Variants in KMT2A observed in about 807,000 individuals in gnomAD.
The protein encoded by KMT2A is lysine methyltransferase 2A, also known as histone-lysine N-methyltransferase 2A.
In KMT2A, 16 loss-of-function variants were observed where a neutral mutation model predicts 345.3. The ratio of observed to expected loss-of-function variants is 0.05; its 90% confidence interval spans 0.03 to 0.07. The LOEUF is 0.07. KMT2A is among the 10% of genes least tolerant of loss of function. The probability of loss-of-function intolerance (pLI) is 1.00; values close to 1 mark genes in which losing one functional copy is unlikely to be tolerated. For synonymous variants in KMT2A, 1,599 were observed against 1,778.6 expected, an observed-to-expected ratio of 0.90 and a Z score of 2.54; for missense variants, 3,272 against 4,841.6, an observed-to-expected ratio of 0.68 and a Z score of 9.62.
rs782377744 is a variant in KMT2A at position 118,504,119 on chromosome 11, A to T, written c.8227A>T (p.Ile2743Phe). The change falls in exon 27 of 36, where the codon ATT becomes TTT. Residue 2743 changes from isoleucine (I) to phenylalanine (F), a missense_variant. Around this residue, in one of 27 missense-constraint regions of KMT2A, gnomAD observed 100 missense variants for 101.3 expected, o/e 0.99. Coordinates refer to ENST00000534358, the MANE Select transcript of KMT2A (RefSeq NM_001197104.2). This position sits in a 1 kb window ranked among gnomAD's most constrained non-coding sequence, Gnocchi z 6.4. ...AGCCACAACAAGGAAAAGCAGCCAG[A>T]TTCCAAAAAGAAATGGTAAAGAAAA... ...VTATTRKSSQ[I>F]PKRNGKENGT... 2 of 1,614,226 alleles carry T rather than the reference A, an allele frequency of 1.2e-6. No individual in the cohort carries two copies. The highest frequency in any genetic ancestry group is 1.7e-6 in the Non-Finnish European group (2 of 1,180,028).
At chr11:118,499,761 C>T in intron 23 of KMT2A, 74 bp from the exon 24 acceptor site, 1 of 1,138,668 alleles carries the variant, frequency 8.8e-7, no homozygotes, top group Admixed American at 1.7e-5. Flanking sequence ...GCCTGGGCGA[C>T]AGAGTGAGAC....
At chr11:118,512,758 G>A (rs1269015447) in intron 31 of KMT2A, among the ~76,000 whole-genome samples, 3 of 150,180 alleles carry the variant, frequency 2.0e-5, no homozygotes, top group Non-Finnish European at 1.5e-5. Context: ...TGCAATGCAC[G>A]AGTGTTCCCA....
chr11:118,436,492 G>T lies in KMT2A; in HGVS notation c.-21G>T. ...TGTGTTGTCGCCTCTCCCTCTCGCTGCTTCACTTCACGGGGCGAACATGGC... is the reference window on the plus strand; with the variant it reads ...TGTGTTGTCGCCTCTCCCTCTCGCTTCTTCACTTCACGGGGCGAACATGGC... On this transcript the variant is annotated 5_prime_UTR_variant, in exon 1 of 36. Coordinates refer to ENST00000534358, the MANE Select transcript of KMT2A (RefSeq NM_001197104.2). This position sits in a 1 kb window ranked among gnomAD's most constrained non-coding sequence, Gnocchi z 6.9. The T allele has an allele frequency of 8.0e-7, 1 of 1,252,254 alleles. No homozygotes were observed. The highest frequency in any genetic ancestry group is 1.0e-6 in the Non-Finnish European group (1 of 986,516). The allele number at this position is 1,252,254 out of a possible 1,614,324, so 77.6% of individuals were successfully genotyped here.
rs1313455282 is a variant in KMT2A, at chr11:118,436,950, G to A, written c.432+6G>A. The A allele has an allele frequency of 3.4e-6, 5 of 1,487,940 alleles. No individual in the cohort carries two copies. Among genetic ancestry groups the A allele is most frequent in the Non-Finnish European group, 4.5e-6 (5 of 1,112,554 alleles). The allele number at this position is 1,487,940 out of a possible 1,614,324, so 92.2% of individuals were successfully genotyped here. On this transcript the variant is annotated splice_donor_region_variant and intron_variant, in intron 1 of 35. Coordinates refer to ENST00000534358, the MANE Select transcript of KMT2A (RefSeq NM_001197104.2). This position sits in a 1 kb window ranked among gnomAD's most constrained non-coding sequence, Gnocchi z 6.9. ...GGGGAGGCGGCAGCGGAGAGGTAAG[G>A]GGGCGAGGAACCCCCAGGTCCGGGG...
rs10219358 is a variant in KMT2A at position 118,496,861 on chromosome 11, G to A, written c.5664+494G>A. 1.3e-3 allele frequency among the ~76,000 whole-genome samples: 192 copies of A among 152,238 alleles called. No individual in the cohort carries two copies. Among genetic ancestry groups the A allele is most frequent in the African/African-American group, 4.3e-3 (177 of 41,526 alleles). ...TCATCTTTAAAATGAAGATAATAAC[G>A]CTTACCTCAGAGTGGCTGTGAGGAT... is the stretch of plus-strand genomic sequence containing the variant. On this transcript the variant is annotated intron_variant, in intron 20 of 35. Coordinates refer to ENST00000534358, the MANE Select transcript of KMT2A (RefSeq NM_001197104.2). This position sits in a 1 kb window ranked among gnomAD's most constrained non-coding sequence, Gnocchi z 4.7.
At chr11:118,477,010 C>T (rs782003068) in intron 4 of KMT2A, 28 bp downstream of exon 4, 9 of 1,608,832 alleles carry the variant, frequency 5.6e-6, no homozygotes, top group East Asian at 2.2e-5. Flanking sequence ...ATCTTGGAGT[C>T]GGAACAGACT....
intron 10 of KMT2A, among the ~76,000 whole-genome samples, chr11:118,487,118 A>G (rs557856601): frequency 8.5e-5 from 13 of 152,318 alleles, no homozygotes; most frequent in South Asian, 2.1e-4. Flanking sequence ...AAGTTCAGAT[A>G]TCATTGAGAC....
At chr11:118,470,014 G>A (rs1023485265) in intron 2 of KMT2A, among the ~76,000 whole-genome samples, 16 of 152,090 alleles carry the variant, frequency 1.1e-4, no homozygotes, top group African/African-American at 2.9e-4. Context: ...TGGGATTTTT[G>A]TTTGTTTGTT....
Position 118,525,662 on chromosome 11 carries a change from T to C in KMT2A, c.*3490T>C, listed in dbSNP as rs1565322831. 1 of 228,202 alleles carries C rather than the reference T, an allele frequency of 4.4e-6. No homozygotes were observed. The highest frequency in any genetic ancestry group is 8.7e-6 in the Non-Finnish European group (1 of 115,580). 14.1% of individuals were successfully genotyped at this position (228,202 alleles called of 1,614,324 possible). A position where few individuals can be genotyped will look rare whatever the true frequency, so the allele number is the denominator to read the frequency against. On this transcript the variant is annotated 3_prime_UTR_variant, in exon 36 of 36. Coordinates refer to ENST00000534358, the MANE Select transcript of KMT2A (RefSeq NM_001197104.2). ...CACACACACAAAAATAAAAAAAATA[T>C]TCTAATGAATGTATCTTTCTAAAGG...
Position 118,473,843 on chromosome 11 carries a change from A to G in KMT2A, c.2684A>G (p.Lys895Arg), listed in dbSNP as rs200600434. ...KRESRKEKRK[K>R]GSEIQSSSAL... is the part of the protein sequence containing the mutation. ...GAGTCAAGGAAAGAGAAAAGGAAAA[A>G]GGGATCAGAAATTCAGAGTAGTTCT... is the stretch of plus-strand genomic sequence containing the variant. Residue 895 changes from lysine (K) to arginine (R), a missense_variant, in exon 3 of 36, where the codon AAG becomes AGG. By Grantham distance (26) the Lys-to-Arg change is conservative. Transcript: ENST00000534358. This position sits in a 1 kb window ranked among gnomAD's most constrained non-coding sequence, Gnocchi z 5.2. 67 of 1,614,060 alleles carry G rather than the reference A, an allele frequency of 4.2e-5. No homozygotes were observed. The highest frequency in any genetic ancestry group is 1.6e-4 in the Middle Eastern group (1 of 6,084).
At chr11:118,511,786 T>C (rs1187960704) in intron 30 of KMT2A, 165 bp from the exon 31 acceptor site, 1 of 667,620 alleles carries the variant, frequency 1.5e-6, no homozygotes, top group African/African-American at 1.8e-5. Context: ...TCCTTTCACA[T>C]GTAATGAACT....
chr11:118,436,676 C>G lies in KMT2A; in HGVS notation c.164C>G (p.Pro55Arg). ...PVGGGGPGAP[P>R]SPPAVAAAAA... ...GGCGGTGGCGGCCCCGGGGCGCCCC[C>G]CTCCCCCCCGGCTGTGGCGGCCGCG... Residue 55 changes from proline to arginine, a missense_variant, in exon 1 of 36, where the codon CCC (proline) becomes CGC (arginine). By Grantham distance (103) the Pro-to-Arg change is moderately radical. Coordinates refer to ENST00000534358, the MANE Select transcript of KMT2A (RefSeq NM_001197104.2). The surrounding 1 kb of genome is among the most constrained non-coding windows in gnomAD (Gnocchi z 6.9). 1 of 1,242,932 alleles carries G rather than the reference C, an allele frequency of 8.0e-7. No individual in the cohort carries two copies. Among genetic ancestry groups the G allele is most frequent in the Non-Finnish European group, 1.0e-6 (1 of 991,982 alleles). 77.0% of individuals were successfully genotyped at this position (1,242,932 alleles called of 1,614,324 possible).
Position 118,477,002 on chromosome 11 carries a change from CTT to C in KMT2A, c.3334+21_3334+22del. 2 of 1,612,648 alleles carry C rather than the reference CTT, an allele frequency of 1.2e-6. No homozygotes were observed. The highest frequency in any genetic ancestry group is 8.5e-7 in the Non-Finnish European group (1 of 1,178,968). On this transcript the variant is annotated intron_variant, in intron 4 of 35. Coordinates refer to ENST00000534358, the MANE Select transcript of KMT2A (RefSeq NM_001197104.2). ...ATGATGGTAGGTCAAGAAGGTCAAT[CTT>C]GGAGTCGGAACAGACTTTTGATTTG...
Position 118,521,160 on chromosome 11 carries a change from A to G in KMT2A, c.11514-128A>G. The G allele has an allele frequency of 1.8e-6, 2 of 1,109,488 alleles. No individual in the cohort carries two copies. Among genetic ancestry groups the G allele is most frequent in the South Asian group, 1.6e-5 (1 of 64,238 alleles). The allele number at this position is 1,109,488 out of a possible 1,614,324, so 68.7% of individuals were successfully genotyped here. The stretch of plus-strand genomic sequence containing the variant: ...TAGATGGCCAAATCAAGTGGGTCCA[A>G]ATTTTTATTTTCTCAAGTATATGTC... On this transcript the variant is annotated intron_variant, in intron 34 of 35. Transcript: ENST00000534358. This position sits in a 1 kb window ranked among gnomAD's most constrained non-coding sequence, Gnocchi z 5.3.
intron 1 of KMT2A, among the ~76,000 whole-genome samples, chr11:118,442,539 A>G (rs782074740): frequency 3.0e-4 from 45 of 152,238 alleles, no homozygotes; most frequent in Non-Finnish European, 4.1e-4. Context: ...ATTTTTGTGG[A>G]CTCTGAGGTT....
At chr11:118,506,793 T>C (rs782164581) in intron 27 of KMT2A, 147 bp downstream of exon 27, 1 of 775,990 alleles carries the variant, frequency 1.3e-6, no homozygotes, top group South Asian at 2.0e-5. Flanking sequence ...TTTTTCTCTC[T>C]GAGTGGTGAT....
intron 1 of KMT2A, among the ~76,000 whole-genome samples, chr11:118,451,926 T>G (rs1365172266): frequency 3.9e-5 from 6 of 152,222 alleles, no homozygotes; most frequent in Non-Finnish European, 7.3e-5. Context: ...AACAGAATTG[T>G]CCTTGGGAGC....
At position 118,510,551 on chromosome 11, in the gene KMT2A, T is replaced by C. The variant is rs1950666173; in HGVS notation, c.11071+433T>C. On this transcript the variant is annotated intron_variant, in intron 30 of 35. Transcript: ENST00000534358. This position sits in a 1 kb window ranked among gnomAD's most constrained non-coding sequence, Gnocchi z 4.1. ...CCAGCTCAGACGGTCTTCCCTGACC[T>C]TCTGAGGTAGCTAAGCCCTCCCTCT... Among the ~76,000 whole-genome samples the C allele has an allele frequency of 6.6e-6, 1 of 152,150 alleles. No homozygotes were observed. Among genetic ancestry groups the C allele is most frequent in the South Asian group, 2.1e-4 (1 of 4,828 alleles).
rs1950442454 is a variant in KMT2A at position 118,498,289 on chromosome 11, G to C, written c.5803-81G>C. 7.6e-7 allele frequency: 1 copy of C among 1,312,918 alleles called. No individual in the cohort carries two copies. The allele number at this position is 1,312,918 out of a possible 1,614,324, so 81.3% of individuals were successfully genotyped here. On this transcript the variant is annotated intron_variant, in intron 21 of 35. Transcript: ENST00000534358. This position sits in a 1 kb window ranked among gnomAD's most constrained non-coding sequence, Gnocchi z 4.4. ...AATGAATTGTAGGAACTGTAGAATG[G>C]GATGAGTCTATAGAGGAGACGGTAA...
Sources: gnomAD v4.1 joint callset for allele counts (sites outside exome capture counted in the v4.1 genomes callset) on GRCh38, gnomAD v4.1.1 for gene constraint, gnomAD v4.1.1 regional missense constraint, Gnocchi (gnomAD v3.1) non-coding constraint, MANE v1.5 for transcripts, NCBI Gene and HGNC (gene_info 2026-07-23, HGNC 2026-07-21) for gene names.